The following GPAT4 variants were observed in gnomAD, a reference collection of about 807,000 sequenced individuals.
GPAT4 encodes 1-AGP acyltransferase 6.
Under a neutral mutation model 58.0 loss-of-function variants are expected in GPAT4, and 17 were observed. The observed-to-expected ratio is 0.29, with a 90% confidence interval of 0.20 to 0.44. The LOEUF (loss-of-function observed/expected upper bound fraction) is 0.44, where lower values mean the gene tolerates loss of function less well. Ranked by LOEUF, GPAT4 falls within the 20% of genes least tolerant of loss-of-function variation. The pLI is 1.00. For missense variants in GPAT4, 377 were observed against 574.5 expected, an observed-to-expected ratio of 0.66 and a Z score of 3.51; for synonymous variants, 204 against 210.1, an observed-to-expected ratio of 0.97 and a Z score of 0.25.
At chr8:41,595,693 C>A (rs1345892468) in intron 1 of GPAT4, among the ~76,000 whole-genome samples, 1 of 148,380 alleles carries the variant, frequency 6.7e-6, no homozygotes, top group African/African-American at 2.4e-5. Context: ...TTGTATATCT[C>A]TTTCTTTCTC....
chr8:41,612,286 T>C lies in GPAT4; in HGVS notation c.795+13T>C. ...CTATTATGCCATGGTAAGAGCTCTT[T>C]CCGGTGCGTTCTTGAGGCAAGACTT... On this transcript the variant is annotated intron_variant, in intron 7 of 12. Transcript: ENST00000396987. The C allele has an allele frequency of 6.2e-7, 1 of 1,613,800 alleles. No individual in the cohort carries two copies. Among genetic ancestry groups the C allele is most frequent in the African/African-American group, 1.3e-5 (1 of 75,060 alleles).
intron 2 of GPAT4, among the ~76,000 whole-genome samples, chr8:41,609,173 A>G (rs1803366143): frequency 6.6e-6 from 1 of 152,202 alleles, no homozygotes; most frequent in Admixed American, 6.5e-5. Context: ...GGCCTGAGGA[A>G]CTCGCCCCAG....
rs150200639 is a variant in GPAT4 at position 41,586,524 on chromosome 8, T to G, written c.-849+8246T>G. ...CCACCACCAAAGTGTGAGGGTTGGA[T>G]TCTTAGTATTGAGCTAGAATTTGCA... On this transcript the variant is annotated intron_variant, in intron 1 of 12. Transcript: ENST00000396987. Among the ~76,000 whole-genome samples the G allele has an allele frequency of 3.4e-3, 515 of 152,284 alleles. 1 individual carries two copies. The highest frequency in any genetic ancestry group is 0.014 in the Middle Eastern group (4 of 294).
chr8:41,611,864 T>G, intron 5 of GPAT4, 39 bp from the exon 6 acceptor site: 1 of 1,594,440 alleles, frequency 6.3e-7, no homozygotes, highest in Non-Finnish European at 8.6e-7. Context: ...TCTTCCTGTA[T>G]GTAAAATAAA....
intron 1 of GPAT4, among the ~76,000 whole-genome samples, chr8:41,581,912 C>T (rs978868290): frequency 1.4e-5 from 2 of 144,176 alleles, no homozygotes; most frequent in African/African-American, 2.6e-5. Flanking sequence ...GGATTACAGG[C>T]GTGAGCCATC....
At chr8:41,603,792 G>A (rs1380893163) in intron 2 of GPAT4, among the ~76,000 whole-genome samples, 1 of 152,122 alleles carries the variant, frequency 6.6e-6, no homozygotes, top group Non-Finnish European at 1.5e-5. Context: ...AGCCAACCAG[G>A]TGTAGGCAGC....
chr8:41,585,357 A>G (rs1320039058), intron 1 of GPAT4, among the ~76,000 whole-genome samples: 1 of 151,936 alleles, frequency 6.6e-6, no homozygotes, highest in East Asian at 1.9e-4. Context: ...TGGGCGTGTT[A>G]GTCCTGCCTC....
chr8:41,578,387 GA>G (rs958403727), intron 1 of GPAT4, 109 bp downstream of exon 1: 2 of 151,860 alleles, frequency 1.3e-5, no homozygotes, highest in African/African-American at 2.4e-5. Context: ...TGCGGTCTGG[GA>G]CGCCCCGGCG....
intron 2 of GPAT4, among the ~76,000 whole-genome samples, chr8:41,607,211 C>A (rs1268424329): frequency 6.6e-6 from 1 of 152,164 alleles, no homozygotes. Context: ...TCTTAACAGG[C>A]TGTTCAGCCC....
At chr8:41,603,269 G>A (rs1415452835) in intron 2 of GPAT4, among the ~76,000 whole-genome samples, 1 of 152,198 alleles carries the variant, frequency 6.6e-6, no homozygotes, top group Non-Finnish European at 1.5e-5. Context: ...GCTCATGCCT[G>A]TAATCCCGGC....
rs1035358041 is a variant in GPAT4, at chr8:41,623,286, C to T, written c.*2285C>T. ...TAGGGGTCCTGCAAGCCCCAAGTGACCCATAGTCAGAGTATCTGGTTTGGG... is the reference window on the plus strand; with the variant it reads ...TAGGGGTCCTGCAAGCCCCAAGTGATCCATAGTCAGAGTATCTGGTTTGGG... On this transcript the variant is annotated 3_prime_UTR_variant, in exon 13 of 13. Transcript: ENST00000396987. The T allele has an allele frequency of 2.6e-5, 4 of 152,268 alleles. No homozygotes were observed. The highest frequency in any genetic ancestry group is 4.1e-4 in the South Asian group (2 of 4,832). The allele number at this position is 152,268 out of a possible 1,614,324, so 9.4% of individuals were successfully genotyped here.
intron 1 of GPAT4, among the ~76,000 whole-genome samples, chr8:41,585,233 ATGTT>A (rs1335703806): frequency 7.2e-5 from 11 of 152,164 alleles, no homozygotes; most frequent in African/African-American, 2.7e-4. Flanking sequence ...GGGCCTATGT[ATGTT>A]CTGACAGTAA....
intron 2 of GPAT4, among the ~76,000 whole-genome samples, chr8:41,609,029 GT>G (rs1289686464): frequency 6.6e-6 from 1 of 152,212 alleles, no homozygotes; most frequent in Admixed American, 6.5e-5. Flanking sequence ...GCAGGCAGTA[GT>G]TTACAGGATA....
intron 1 of GPAT4, among the ~76,000 whole-genome samples, chr8:41,593,612 C>G (rs1010313478): frequency 2.0e-5 from 3 of 152,110 alleles, no homozygotes; most frequent in Admixed American, 6.5e-5. Context: ...GAGTCCATCC[C>G]TTTTTTGCTG....
rs1016226042 is a variant in GPAT4, at chr8:41,622,566, G to A, written c.*1565G>A. 4 of 152,372 alleles carry A rather than the reference G, an allele frequency of 2.6e-5. No homozygotes were observed. Among genetic ancestry groups the A allele is most frequent in the Non-Finnish European group, 1.5e-5 (1 of 68,152 alleles). The allele number at this position is 152,372 out of a possible 1,614,324, so 9.4% of individuals were successfully genotyped here. A position where few individuals can be genotyped will look rare whatever the true frequency, so the allele number is the denominator to read the frequency against. ...TGCCTCTCAGGATTTTGTGCCTGTGGTGCTGAGTGTCACGTCCCCAAGGTC... is the reference window on the plus strand; with the variant it reads ...TGCCTCTCAGGATTTTGTGCCTGTGATGCTGAGTGTCACGTCCCCAAGGTC... On this transcript the variant is annotated 3_prime_UTR_variant, in exon 13 of 13. Coordinates refer to ENST00000396987, the MANE Select transcript of GPAT4 (RefSeq NM_178819.4).
At position 41,598,557 on chromosome 8, in the gene GPAT4, C is replaced by A. The variant is rs556190223; in HGVS notation, c.-583C>A. ...CCAGATATGAACTCTCTACCATGAA[C>A]ATGGTTCTCGGCTTATGAAGGAATT... is the stretch of plus-strand genomic sequence containing the variant. On this transcript the variant is annotated 5_prime_UTR_variant, in exon 2 of 13. Transcript: ENST00000396987. The A allele has an allele frequency of 6.6e-6, 1 of 152,400 alleles. No homozygotes were observed. The highest frequency in any genetic ancestry group is 1.9e-4 in the East Asian group (1 of 5,188). The allele number at this position is 152,400 out of a possible 1,614,324, so 9.4% of individuals were successfully genotyped here.
At chr8:41,610,569 T>C (rs1803411614) in intron 4 of GPAT4, 167 bp from the exon 5 acceptor site, 1 of 1,514,928 alleles carries the variant, frequency 6.6e-7, no homozygotes, top group Non-Finnish European at 8.8e-7. Flanking sequence ...AAAGGATCTC[T>C]GGTTCTGATA....
Position 41,621,075 on chromosome 8 carries a change from C to T in GPAT4, c.*74C>T, listed in dbSNP as rs1803735321. 6.5e-7 allele frequency: 1 copy of T among 1,536,996 alleles called. No homozygotes were observed. Among genetic ancestry groups the T allele is most frequent in the Non-Finnish European group, 8.8e-7 (1 of 1,138,970 alleles). On this transcript the variant is annotated 3_prime_UTR_variant, in exon 13 of 13. Transcript: ENST00000396987. ...AGAGCTGGAGTTGCCGCCGCCGCCC[C>T]CACTGCTGTGTCCTTTCCAGACTCC...
chr8:41,609,890 C>T lies in GPAT4; in HGVS notation c.471C>T (p.Ser157=), dbSNP rs1463650727. The change falls in exon 4 of 13, where the codon AGC becomes AGT. Residue 157 remains serine, a synonymous_variant. Coordinates refer to ENST00000396987, the MANE Select transcript of GPAT4 (RefSeq NM_178819.4). The stretch of plus-strand genomic sequence containing the variant: ...CCAATTATAACTTCCAGTACATCAG[C>T]CTTCGGCTCACGGTCCTGTGGGGGT... The part of the protein sequence containing the change: ...SRTNYNFQYI[S]LRLTVLWGLG... 1.2e-6 allele frequency: 2 copies of T among 1,614,114 alleles called. No individual in the cohort carries two copies. The highest frequency in any genetic ancestry group is 1.3e-5 in the African/African-American group (1 of 74,944).
Sources: allele counts gnomAD v4.1 joint callset (sites outside exome capture counted in the v4.1 genomes callset), GRCh38; gene constraint gnomAD v4.1.1; transcripts MANE v1.5; gene names NCBI Gene and HGNC (gene_info 2026-07-23, HGNC 2026-07-21).